Variants in NDUFAF7 observed in about 807,000 individuals in gnomAD.
NDUFAF7 encodes protein arginine methyltransferase NDUFAF7, mitochondrial.
NDUFAF7 carries 48 observed loss-of-function variants against 47.2 expected under a neutral mutation model. The ratio of observed to expected loss-of-function variants is 1.02; its 90% confidence interval spans 0.81 to 1.29. The LOEUF is 1.29. Ranked by LOEUF, NDUFAF7 falls within the 50% of genes most tolerant of loss-of-function variation. NDUFAF7 has a pLI of 0.00. For synonymous variants in NDUFAF7, 217 were observed against 190.0 expected (o/e 1.14, Z -1.17); for missense variants, 635 against 537.6 (o/e 1.18, Z -1.79).
downstream of NDUFAF7, among the ~76,000 whole-genome samples, chr2:37,256,058 A>G (rs1667910113): frequency 6.6e-6 from 1 of 152,198 alleles, no homozygotes; most frequent in Admixed American, 6.5e-5. Context: ...TTTTTAGCCT[A>G]AGTAAATTCT....
At position 37,248,163 on chromosome 2, in the gene NDUFAF7, C is replaced by G. The variant is rs1382097540; in HGVS notation, c.1139C>G (p.Ser380Ter). ...CTTTTAGATAAATCAAATGAGCCAT[C>G]AGTGAGGCAGCAGTTACTTCAAGGA... ...KVLLDKSNEP[S>*]VRQQLLQGYD... is the part of the protein sequence containing the mutation. The change falls in exon 10 of 10, where the codon TCA becomes TGA. Residue 380 changes from serine to a stop codon, truncating the protein, a stop_gained. Coordinates refer to ENST00000002125, the MANE Select transcript of NDUFAF7 (RefSeq NM_144736.5). LOFTEE classifies it high-confidence loss of function. 6.2e-7 allele frequency: 1 copy of G among 1,613,806 alleles called. No individual in the cohort carries two copies. Among genetic ancestry groups the G allele is most frequent in the Non-Finnish European group, 8.5e-7 (1 of 1,179,818 alleles).
the NDUFAF7 span, among the ~76,000 whole-genome samples, chr2:37,259,930 C>G: frequency 2.0e-5 from 3 of 152,070 alleles, no homozygotes; most frequent in African/African-American, 7.2e-5. Flanking sequence ...TTTGGGAGAC[C>G]TAGGCAGGTG....
chr2:37,253,408 G>T, downstream of NDUFAF7: 1 of 1,459,006 alleles, frequency 6.9e-7, no homozygotes, highest in Non-Finnish European at 9.3e-7. Flanking sequence ...TGTCAACCTG[G>T]TTTTTGTTTT....
At position 37,243,890 on chromosome 2, in the gene NDUFAF7, T is replaced by A; in HGVS notation, c.709T>A (p.Phe237Ile). Residue 237 changes from phenylalanine (F) to isoleucine (I), a missense_variant, in exon 7 of 10, where the codon TTT becomes ATT. Physicochemically the swap from Phe to Ile is conservative, Grantham distance 21 (BLOSUM62 0). Transcript: ENST00000002125. ...QKTPQGWREV[F>I]VDIDPQVSDK... ...AACACCACAGGGATGGCGAGAAGTA[T>A]TTGTTGACATTGATCCACAGGTTTC... 6.2e-7 allele frequency: 1 copy of A among 1,614,064 alleles called. No individual in the cohort carries two copies. Among genetic ancestry groups the A allele is most frequent in the Non-Finnish European group, 8.5e-7 (1 of 1,179,962 alleles).
the NDUFAF7 span, chr2:37,267,472 T>C: frequency 6.6e-5 from 107 of 1,611,078 alleles, no homozygotes; most frequent in Non-Finnish European, 8.5e-5. Context: ...TTTCTTGTTT[T>C]GTGGGGAATC....
chr2:37,270,790 C>G, the NDUFAF7 span, among the ~76,000 whole-genome samples: 1 of 152,274 alleles, frequency 6.6e-6, no homozygotes, highest in East Asian at 1.9e-4. Context: ...TGGTTCTAAT[C>G]AGATTAGGAG....
the NDUFAF7 span, chr2:37,268,172 G>A: frequency 8.1e-6 from 3 of 369,628 alleles, no homozygotes; most frequent in Non-Finnish European, 1.6e-5. Context: ...CTTCAAATAT[G>A]TATCTGACTT....
Position 37,241,634 on chromosome 2 carries a change from A to G in NDUFAF7, c.465A>G (p.Val155=). ...ATTGTGACATTTCAGTACATCTGGT[A>G]GAGGTAAGCCAAAAATTAAGTGAGA... ...LKNCDISVHL[V]EVSQKLSEIQ... The change falls in exon 5 of 10, where the codon GTA becomes GTG. Residue 155 remains valine, a synonymous_variant. Transcript: ENST00000002125. 6.2e-7 allele frequency: 1 copy of G among 1,614,046 alleles called. No individual in the cohort carries two copies. The highest frequency in any genetic ancestry group is 8.5e-7 in the Non-Finnish European group (1 of 1,180,006).
At chr2:37,256,996 TATA>T, downstream of NDUFAF7, 1 of 1,490,932 alleles carries the variant, frequency 6.7e-7, no homozygotes. Flanking sequence ...TGTCCCTAAA[TATA>T]ACACTGTATG....
In NDUFAF7 at chr2:37,231,725, C is replaced by A. The variant is rs764226527; in HGVS notation, c.20C>A (p.Ser7Ter). Residue 7 changes from serine (S) to a stop codon, truncating the protein, a stop_gained, in exon 1 of 10, where the codon TCA (serine) becomes TAA (stop). Coordinates refer to ENST00000002125, the MANE Select transcript of NDUFAF7 (RefSeq NM_144736.5). LOFTEE classifies it high-confidence loss of function. MSVLLR[S>*]GLGPLCAVAR... ...TTCAGCATGAGTGTACTGCTGAGGT[C>A]AGGTTTGGGGCCGTTGTGTGCCGTG... The A allele has an allele frequency of 1.9e-6, 3 of 1,614,102 alleles. No homozygotes were observed. In the African/African-American group the frequency reaches 4.0e-5, roughly 22 times the overall value.
the NDUFAF7 span, chr2:37,259,725 A>ATG: frequency 7.3e-7 from 1 of 1,369,058 alleles, no homozygotes; most frequent in Non-Finnish European, 1.0e-6. Flanking sequence ...GGAAAATCAC[A>ATG]AGTAAACCTC....
chr2:37,245,563 A>G (rs1666814707), intron 7 of NDUFAF7, among the ~76,000 whole-genome samples: 1 of 152,188 alleles, frequency 6.6e-6, no homozygotes, highest in African/African-American at 2.4e-5. Context: ...TTCTGGCACA[A>G]CAGAGGGCAT....
At chr2:37,238,785 G>A (rs1220866125) in intron 4 of NDUFAF7, among the ~76,000 whole-genome samples, 1 of 151,420 alleles carries the variant, frequency 6.6e-6, no homozygotes, top group Non-Finnish European at 1.5e-5. Flanking sequence ...AGAACTAGTA[G>A]TTAGAATTAT....
chr2:37,259,826 C>G, the NDUFAF7 span: 3 of 607,228 alleles, frequency 4.9e-6, no homozygotes, highest in African/African-American at 1.9e-5. Context: ...TTAAGGTTAA[C>G]AATTCCCACA....
downstream of NDUFAF7, chr2:37,254,415 G>A (rs960964449): frequency 2.4e-5 from 16 of 673,800 alleles, no homozygotes; most frequent in Middle Eastern, 2.5e-4. Flanking sequence ...TCTCAAGGAC[G>A]TGGACTTTTA....
chr2:37,245,584 T>C (rs187959077), intron 7 of NDUFAF7, among the ~76,000 whole-genome samples: 1 of 152,304 alleles, frequency 6.6e-6, no homozygotes, highest in Admixed American at 6.5e-5. Context: ...GATAATATAA[T>C]TGTCTAATAG....
Position 37,248,745 on chromosome 2 carries a change from T to C in NDUFAF7, c.*395T>C. 1 of 273,680 alleles carries C rather than the reference T, an allele frequency of 3.7e-6. No homozygotes were observed. Among genetic ancestry groups the C allele is most frequent in the South Asian group, 3.9e-5 (1 of 25,720 alleles). 17.0% of individuals were successfully genotyped at this position (273,680 alleles called of 1,614,324 possible). A position where few individuals can be genotyped will look rare whatever the true frequency, so the allele number is the denominator to read the frequency against. On this transcript the variant is annotated 3_prime_UTR_variant, in exon 10 of 10. Transcript: ENST00000002125. ...GCCTGACCAAAATGGAGAAACCCCA[T>C]CTCTACTAAAAATACAAAACTAGCC...
chr2:37,242,350 C>G (rs1468615361), intron 5 of NDUFAF7: 1 of 302,988 alleles, frequency 3.3e-6, no homozygotes, highest in Non-Finnish European at 6.2e-6. Flanking sequence ...AATCAAATTC[C>G]CTTCCAGCTA....
At chr2:37,266,180 G>A in the NDUFAF7 span, among the ~76,000 whole-genome samples, 1 of 152,156 alleles carries the variant, frequency 6.6e-6, no homozygotes, top group African/African-American at 2.4e-5. Context: ...CTGAAAAAGT[G>A]AGGTAAATGT....
Sources: gnomAD v4.1 joint callset for allele counts (sites outside exome capture counted in the v4.1 genomes callset) on GRCh38, gnomAD v4.1.1 for gene constraint, MANE v1.5 for transcripts, NCBI Gene and HGNC (gene_info 2026-07-23, HGNC 2026-07-21) for gene names.